The following NALF1 variants were observed in gnomAD, a reference collection of about 807,000 sequenced individuals.
NALF1 encodes NALCN channel auxiliary factor 1.
NALF1 carries 3 observed loss-of-function variants against 48.4 expected under a neutral mutation model. That is an observed-to-expected ratio of 0.06 (90% CI 0.03 to 0.16). The LOEUF (loss-of-function observed/expected upper bound fraction) is 0.16. Among genes scored for constraint, NALF1 ranks in the 10% least tolerant of loss-of-function variants. The probability of loss-of-function intolerance (pLI) is 1.00; values close to 1 mark genes in which losing one functional copy is unlikely to be tolerated. For missense variants in NALF1, 526 were observed against 571.5 expected, an observed-to-expected ratio of 0.92 and a Z score of 0.81; for synonymous variants, 262 against 245.7, an observed-to-expected ratio of 1.07 and a Z score of -0.62.
At chr13:107,756,655 G>A (rs570098034) in intron 1 of NALF1, among the ~76,000 whole-genome samples, 1 of 151,958 alleles carries the variant, frequency 6.6e-6, no homozygotes, top group East Asian at 1.9e-4. Flanking sequence ...TTAAATGATC[G>A]CTTATGGCCC....
chr13:107,443,630 A>G (rs1884601980), intron 1 of NALF1, among the ~76,000 whole-genome samples: 1 of 149,592 alleles, frequency 6.7e-6, no homozygotes. Context: ...ATTTGCAATT[A>G]TGCTTAGCTA....
At chr13:107,406,485 TA>T (rs1883901577) in intron 1 of NALF1, among the ~76,000 whole-genome samples, 1 of 151,892 alleles carries the variant, frequency 6.6e-6, no homozygotes, top group African/African-American at 2.4e-5. Context: ...ATGAAAACTA[TA>T]AAACACTGAT....
intron 1 of NALF1, among the ~76,000 whole-genome samples, chr13:107,309,914 G>C (rs1047820799): frequency 6.6e-6 from 1 of 152,100 alleles, no homozygotes; most frequent in African/African-American, 2.4e-5. Flanking sequence ...CAGTAGTGAA[G>C]ATTCCTCTTA....
At chr13:107,737,075 A>G (rs1176193310) in intron 1 of NALF1, among the ~76,000 whole-genome samples, 1 of 152,158 alleles carries the variant, frequency 6.6e-6, no homozygotes, top group African/African-American at 2.4e-5. Context: ...CAACTTTTCC[A>G]TGTTCTTCTT....
intron 1 of NALF1, among the ~76,000 whole-genome samples, chr13:107,756,844 G>A (rs1319943005): frequency 6.6e-6 from 1 of 152,072 alleles, no homozygotes; most frequent in East Asian, 1.9e-4. Context: ...TTGAAAAATT[G>A]TTTGCTCACA....
chr13:107,447,286 C>G (rs1203026628), intron 1 of NALF1, among the ~76,000 whole-genome samples: 1 of 152,182 alleles, frequency 6.6e-6, no homozygotes, highest in African/African-American at 2.4e-5. Flanking sequence ...CAAGATCACT[C>G]GATAATCTGG....
intron 1 of NALF1, among the ~76,000 whole-genome samples, chr13:107,306,822 G>A (rs1450826523): frequency 4.6e-5 from 7 of 152,102 alleles, no homozygotes; most frequent in Admixed American, 4.6e-4. Context: ...AAAATTAGCT[G>A]GGTATGGTGG....
rs781710810 is a variant in NALF1 at position 107,596,663 on chromosome 13, G to A, written c.915+269019C>T. ...AGGGAGAGGAACATCACACACCGGG[G>A]CCCTGTTGAGGGGGGTGGGGGACTA... On this transcript the variant is annotated intron_variant, in intron 1 of 2. Transcript: ENST00000375915. Among the ~76,000 whole-genome samples the A allele has an allele frequency of 9.2e-5, 14 of 152,136 alleles. No homozygotes were observed. The South Asian group carries it at 1.5e-3, about 16-fold the overall frequency.
intron 1 of NALF1, among the ~76,000 whole-genome samples, chr13:107,387,281 C>T (rs72650580): frequency 6.6e-6 from 1 of 152,074 alleles, no homozygotes; most frequent in Admixed American, 6.6e-5. Flanking sequence ...GAATTGATTT[C>T]TCTAGTTCCA....
intron 1 of NALF1, among the ~76,000 whole-genome samples, chr13:107,738,411 C>G (rs1367692401): frequency 6.6e-6 from 1 of 152,100 alleles, no homozygotes; most frequent in Non-Finnish European, 1.5e-5. Flanking sequence ...TCATAAGATT[C>G]CAATCTTAAG....
chr13:107,596,123 C>CA (rs1419345142), intron 1 of NALF1, among the ~76,000 whole-genome samples: 1 of 152,126 alleles, frequency 6.6e-6, no homozygotes, highest in Admixed American at 6.6e-5. Flanking sequence ...GAAGGCACCT[C>CA]AACAAATACA....
In NALF1 at chr13:107,644,140, C is replaced by T. The variant is rs570395263; in HGVS notation, c.915+221542G>A. 3.3e-5 allele frequency among the ~76,000 whole-genome samples: 5 copies of T among 152,040 alleles called. No individual in the cohort carries two copies. The South Asian group carries it at 6.2e-4, about 19-fold the overall frequency. Reference sequence around the variant, plus strand: ...TATAAACCTAATACCATAAAATTTACGTCTTCAGAAATACTCATCTCAAGA... The same window carrying T: ...TATAAACCTAATACCATAAAATTTATGTCTTCAGAAATACTCATCTCAAGA... On this transcript the variant is annotated intron_variant, in intron 1 of 2. Coordinates refer to ENST00000375915, the MANE Select transcript of NALF1 (RefSeq NM_001080396.3).
intron 1 of NALF1, among the ~76,000 whole-genome samples, chr13:107,375,242 A>C (rs1403349470): frequency 6.6e-6 from 1 of 152,214 alleles, no homozygotes; most frequent in Non-Finnish European, 1.5e-5. Context: ...TTTAGCTTTC[A>C]AGTATGTGGT....
At chr13:107,513,640 T>C (rs911657740) in intron 1 of NALF1, among the ~76,000 whole-genome samples, 1 of 152,200 alleles carries the variant, frequency 6.6e-6, no homozygotes, top group African/African-American at 2.4e-5. Context: ...TGGGGTTCCA[T>C]GAATAGAAGA....
intron 1 of NALF1, among the ~76,000 whole-genome samples, chr13:107,321,503 T>C (rs1256098227): frequency 6.6e-6 from 1 of 152,150 alleles, no homozygotes; most frequent in East Asian, 1.9e-4. Flanking sequence ...AAACACTGAT[T>C]TCAGGAATAA....
chr13:107,457,455 A>T (rs8000722), intron 1 of NALF1, among the ~76,000 whole-genome samples: 28,096 of 152,042 alleles, frequency 0.18, 3,003 homozygotes, highest in African/African-American at 0.29. Flanking sequence ...CACAGTGCAG[A>T]AAGCCAAGAA....
At chr13:107,818,853 C>T (rs1010390667) in intron 1 of NALF1, among the ~76,000 whole-genome samples, 1 of 84,330 alleles carries the variant, frequency 1.2e-5, no homozygotes, top group Admixed American at 1.7e-4. Context: ...GCCTGGGCGA[C>T]AGAGCGAGAC....
At chr13:107,855,183 TC>T (rs888260842) in intron 1 of NALF1, among the ~76,000 whole-genome samples, 1 of 152,066 alleles carries the variant, frequency 6.6e-6, no homozygotes, top group Non-Finnish European at 1.5e-5. Context: ...GATGCACCAA[TC>T]CCCATTTTAC....
chr13:107,829,359 A>G (rs917775968), intron 1 of NALF1, among the ~76,000 whole-genome samples: 3 of 152,238 alleles, frequency 2.0e-5, no homozygotes, highest in Non-Finnish European at 2.9e-5. Flanking sequence ...CACAGACACC[A>G]TAATAACTAT....
Sources: gnomAD v4.1 joint callset for allele counts (sites outside exome capture counted in the v4.1 genomes callset) on GRCh38, gnomAD v4.1.1 for gene constraint, MANE v1.5 for transcripts, NCBI Gene and HGNC (gene_info 2026-07-23, HGNC 2026-07-21) for gene names.